The following ACTR5 variants were observed in gnomAD, a reference collection of about 807,000 sequenced individuals.
The protein encoded by ACTR5 is actin related protein 5.
A neutral mutation model predicts 61.2 loss-of-function variants in ACTR5; 43 were observed. The ratio of observed to expected loss-of-function variants is 0.70; its 90% CI spans 0.55 to 0.91. ACTR5 has a LOEUF of 0.91. Ranked by LOEUF, ACTR5 falls within the 40% of genes least tolerant of loss-of-function variation. The pLI, the probability that ACTR5 is intolerant of heterozygous loss-of-function variation, is 0.00. For synonymous variants in ACTR5, 333 were observed against 310.5 expected, an observed-to-expected ratio of 1.07 and a Z score of -0.76; for missense variants, 798 against 782.2, an observed-to-expected ratio of 1.02 and a Z score of -0.24.
At chr20:38,754,755 A>AT (rs970451014) in intron 3 of ACTR5, among the ~76,000 whole-genome samples, 1 of 151,446 alleles carries the variant, frequency 6.6e-6, no homozygotes, top group African/African-American at 2.4e-5. Flanking sequence ...CGCATGGCTA[A>AT]TTTTTTTGTA....
chr20:38,757,628 T>C (rs980669803), intron 5 of ACTR5, among the ~76,000 whole-genome samples: 3 of 152,014 alleles, frequency 2.0e-5, no homozygotes, highest in African/African-American at 7.3e-5. Context: ...AGAGTTGCCT[T>C]TGGCTCAACA....
chr20:38,752,407 T>C (rs1193400168), intron 3 of ACTR5, 107 bp downstream of exon 3: 4 of 1,265,446 alleles, frequency 3.2e-6, no homozygotes, highest in Non-Finnish European at 4.2e-6. Context: ...AGCACCTCCT[T>C]CCCCTTTTTG....
chr20:38,762,576 C>T (rs947329624), intron 5 of ACTR5, among the ~76,000 whole-genome samples: 33 of 152,258 alleles, frequency 2.2e-4, no homozygotes, highest in African/African-American at 7.0e-4. Flanking sequence ...TAATCTGCTC[C>T]GGAGCCCAAG....
chr20:38,760,497 TAGGA>T (rs2084446999), intron 5 of ACTR5, among the ~76,000 whole-genome samples: 1 of 152,168 alleles, frequency 6.6e-6, no homozygotes, highest in Admixed American at 6.5e-5. Context: ...GGATCAGATG[TAGGA>T]TCCCAAGATC....
intron 4 of ACTR5, among the ~76,000 whole-genome samples, chr20:38,755,451 C>G (rs2084414273): frequency 6.6e-6 from 1 of 152,142 alleles, no homozygotes. Context: ...GTGCACAAAT[C>G]TTTATGTTTC....
In ACTR5 at chr20:38,771,794, G is replaced by A. The variant is rs773329037; in HGVS notation, c.1802G>A (p.Gly601Asp). Residue 601 changes from glycine (G) to aspartate (D), a missense_variant, in exon 9 of 9, where the codon GGT becomes GAT. Coordinates refer to ENST00000243903, the MANE Select transcript of ACTR5 (RefSeq NM_024855.4). ...AGCAAGGGCTCCGCTGCTGGTGGAG[G>A]TGGTGCTGGTGAGCAGGCATAGCAG... The part of the protein sequence containing the change: ...ASSKGSAAGG[G>D]GAGEQA 1 of 1,612,658 alleles carries A rather than the reference G, an allele frequency of 6.2e-7. No homozygotes were observed. Among genetic ancestry groups the A allele is most frequent in the Non-Finnish European group, 8.5e-7 (1 of 1,179,798 alleles).
intron 2 of ACTR5, among the ~76,000 whole-genome samples, chr20:38,750,932 A>G (rs764368156): frequency 2.6e-5 from 4 of 152,106 alleles, no homozygotes; most frequent in Admixed American, 2.0e-4. Context: ...CGCCCAGCCA[A>G]TTTCAAGTTA....
At chr20:38,769,771 C>T (rs2084509361) in intron 8 of ACTR5, among the ~76,000 whole-genome samples, 1 of 151,900 alleles carries the variant, frequency 6.6e-6, no homozygotes, top group Admixed American at 6.6e-5. Flanking sequence ...TAAGGATGAA[C>T]CCCTAAAGAA....
chr20:38,771,821 G>A lies in ACTR5; in HGVS notation c.*5G>A, dbSNP rs753132432. On this transcript the variant is annotated 3_prime_UTR_variant, in exon 9 of 9. Coordinates refer to ENST00000243903, the MANE Select transcript of ACTR5 (RefSeq NM_024855.4). ...GGTGCTGGTGAGCAGGCATAGCAGA[G>A]GCCCTCCAGAGAGACTGCCCTGCAC... 10 of 1,608,432 alleles carry A rather than the reference G, an allele frequency of 6.2e-6. No individual in the cohort carries two copies. The African/African-American group carries it at 1.2e-4, about 19-fold the overall frequency.
At chr20:38,757,468 CTTGTTTT>C (rs1026574776) in intron 5 of ACTR5, among the ~76,000 whole-genome samples, 13 of 152,100 alleles carry the variant, frequency 8.5e-5, no homozygotes, top group Admixed American at 2.6e-4. Context: ...AGACTAGCCT[CTTGTTTT>C]TTGTTTTTTG....
chr20:38,751,754 A>G (rs1027359558), intron 2 of ACTR5, among the ~76,000 whole-genome samples: 4 of 152,196 alleles, frequency 2.6e-5, no homozygotes, highest in Non-Finnish European at 4.4e-5. Flanking sequence ...GGAGCTCATT[A>G]AAATGCAGAT....
intron 5 of ACTR5, among the ~76,000 whole-genome samples, chr20:38,760,811 A>G (rs1449043503): frequency 6.6e-6 from 1 of 152,028 alleles, no homozygotes; most frequent in Non-Finnish European, 1.5e-5. Context: ...CTTTTGACCA[A>G]GTTTGGGAAG....
intron 8 of ACTR5, among the ~76,000 whole-genome samples, chr20:38,771,065 G>A (rs966661118): frequency 1.3e-5 from 2 of 152,234 alleles, no homozygotes; most frequent in African/African-American, 4.8e-5. Context: ...AGAAGCAGGG[G>A]AAACTAAGTG....
At chr20:38,762,183 G>C (rs551731078) in intron 5 of ACTR5, among the ~76,000 whole-genome samples, 2 of 152,188 alleles carry the variant, frequency 1.3e-5, no homozygotes, top group Non-Finnish European at 2.9e-5. Flanking sequence ...TTACTTACCT[G>C]TCTGGTATCT....
At chr20:38,763,569 A>G (rs1320508478) in intron 5 of ACTR5, among the ~76,000 whole-genome samples, 4 of 152,148 alleles carry the variant, frequency 2.6e-5, no homozygotes, top group African/African-American at 7.2e-5. Flanking sequence ...TAGCCTCATG[A>G]TTTATAGAAC....
At position 38,755,944 on chromosome 20, in the gene ACTR5, A is replaced by G. The variant is rs765540329; in HGVS notation, c.1081A>G (p.Ile361Val). The stretch of plus-strand genomic sequence containing the variant: ...CTCCCCAGAAGAGCTGCAGTCCTAC[A>G]TCCAGAAGCTCAGTATAGCAGTGGA... Reference protein sequence around the residue: ...MDSPEELQSYIQKLSIAVEQA... With the variant: ...MDSPEELQSYVQKLSIAVEQA... Residue 361 changes from isoleucine (I) to valine (V), a missense_variant, in exon 5 of 9, where the codon ATC (isoleucine) becomes GTC (valine). Transcript: ENST00000243903. 1 of 1,614,212 alleles carries G rather than the reference A, an allele frequency of 6.2e-7. No homozygotes were observed.
At chr20:38,766,078 A>G (rs1306977735) in intron 6 of ACTR5, among the ~76,000 whole-genome samples, 160 bp from the exon 7 acceptor site, 1 of 152,262 alleles carries the variant, frequency 6.6e-6, no homozygotes, top group African/African-American at 2.4e-5. Flanking sequence ...GGAAGAAGGT[A>G]GGAAATTGAA....
chr20:38,760,845 C>CT (rs959129571), intron 5 of ACTR5, among the ~76,000 whole-genome samples: 20 of 148,312 alleles, frequency 1.3e-4, no homozygotes, highest in Admixed American at 2.7e-4. Flanking sequence ...TTTTGAGCAC[C>CT]TTTTTTTTTT....
Position 38,748,640 on chromosome 20 carries a change from T to A in ACTR5, c.162T>A (p.Gly54=). The A allele has an allele frequency of 6.6e-7, 1 of 1,518,660 alleles. No individual in the cohort carries two copies. Among genetic ancestry groups the A allele is most frequent in the Non-Finnish European group, 8.8e-7 (1 of 1,135,878 alleles). 94.1% of individuals were successfully genotyped at this position (1,518,660 alleles called of 1,614,324 possible). ...GGGCGTGTCCCGGGCAGGACCCAGG[T>A]CCCGAGCCGCGCCTGCAGTTCCGCG... The part of the protein sequence containing the change: ...AGWACPGQDP[G]PEPRLQFRAV... Residue 54 remains glycine, a synonymous_variant, in exon 1 of 9, where the codon GGT becomes GGA. Transcript: ENST00000243903.
Sources: gnomAD v4.1 joint callset for allele counts (sites outside exome capture counted in the v4.1 genomes callset) on GRCh38, gnomAD v4.1.1 for gene constraint, MANE v1.5 for transcripts, NCBI Gene and HGNC (gene_info 2026-07-23, HGNC 2026-07-21) for gene names.